The following FBXL7 variants were observed in gnomAD, a reference collection of about 807,000 sequenced individuals.
The protein encoded by FBXL7 is F-box/LRR-repeat protein 7.
In FBXL7, 12 loss-of-function variants were observed where a neutral mutation model predicts 38.3. The ratio of observed to expected loss-of-function variants is 0.31; its 90% CI spans 0.20 to 0.51. FBXL7 has a LOEUF of 0.51. Among genes scored for constraint, FBXL7 ranks in the 20% least tolerant of loss-of-function variants. The pLI is 0.98. For missense variants in FBXL7, 567 were observed against 676.4 expected, an observed-to-expected ratio of 0.84 and a Z score of 1.79; for synonymous variants, 297 against 300.9, an observed-to-expected ratio of 0.99 and a Z score of 0.13.
intron 2 of FBXL7, among the ~76,000 whole-genome samples, chr5:15,745,589 C>T (rs1302341323): frequency 6.6e-6 from 1 of 152,096 alleles, no homozygotes; most frequent in African/African-American, 2.4e-5. Context: ...AAAAGTTTCT[C>T]AGGGAAACAA....
At chr5:15,618,378 A>G (rs1740519491) in intron 2 of FBXL7, among the ~76,000 whole-genome samples, 1 of 152,164 alleles carries the variant, frequency 6.6e-6, no homozygotes, top group Non-Finnish European at 1.5e-5. Context: ...AGAAAGTATT[A>G]AGTTCTGCTA....
At chr5:15,675,450 C>T (rs1207027402) in intron 2 of FBXL7, among the ~76,000 whole-genome samples, 1 of 152,146 alleles carries the variant, frequency 6.6e-6, no homozygotes, top group Non-Finnish European at 1.5e-5. Context: ...TTTTGAAGGC[C>T]TGAAAAGGCT....
chr5:15,812,974 T>C (rs1485130766), intron 2 of FBXL7, among the ~76,000 whole-genome samples: 2 of 152,218 alleles, frequency 1.3e-5, no homozygotes, highest in Admixed American at 1.3e-4. Flanking sequence ...TTTTTCACAT[T>C]GATTTTGTAT....
intron 2 of FBXL7, among the ~76,000 whole-genome samples, chr5:15,674,998 G>C (rs1742605865): frequency 6.6e-6 from 1 of 152,130 alleles, no homozygotes; most frequent in African/African-American, 2.4e-5. Flanking sequence ...GATATCAACA[G>C]AGTTTCCCCC....
At chr5:15,522,234 T>C (rs920683613) in intron 1 of FBXL7, among the ~76,000 whole-genome samples, 4 of 152,140 alleles carry the variant, frequency 2.6e-5, no homozygotes, top group African/African-American at 9.7e-5. Context: ...TTCCCCCTTC[T>C]CCCTTTTCCT....
At chr5:15,871,585 A>C (rs777553979) in intron 2 of FBXL7, among the ~76,000 whole-genome samples, 13 of 152,196 alleles carry the variant, frequency 8.5e-5, no homozygotes, top group Non-Finnish European at 1.9e-4. Flanking sequence ...TAACTAGAAT[A>C]ACTAGTTTAC....
chr5:15,915,681 A>T (rs2126434873), intron 2 of FBXL7, among the ~76,000 whole-genome samples: 1 of 152,304 alleles, frequency 6.6e-6, no homozygotes, highest in East Asian at 1.9e-4. Context: ...AACCCGTAAC[A>T]GAAGGAATGA....
intron 2 of FBXL7, among the ~76,000 whole-genome samples, chr5:15,755,592 C>T (rs1736277329): frequency 2.0e-5 from 3 of 150,782 alleles, no homozygotes; most frequent in Admixed American, 2.0e-4. Context: ...TTTGCTTGGG[C>T]AACAAAGCCG....
intron 2 of FBXL7, among the ~76,000 whole-genome samples, chr5:15,636,529 C>G (rs767698034): frequency 5.9e-5 from 9 of 152,168 alleles, no homozygotes; most frequent in Non-Finnish European, 1.3e-4. Context: ...GCCTCCTAGT[C>G]ACAGTAACAG....
chr5:15,803,876 C>T (rs564049073), intron 2 of FBXL7, among the ~76,000 whole-genome samples: 1 of 152,246 alleles, frequency 6.6e-6, no homozygotes, highest in East Asian at 1.9e-4. Flanking sequence ...TACCTGAGAA[C>T]CACCATGTTT....
At chr5:15,817,957 G>A (rs886675995) in intron 2 of FBXL7, among the ~76,000 whole-genome samples, 6 of 152,116 alleles carry the variant, frequency 3.9e-5, no homozygotes, top group South Asian at 2.1e-4. Context: ...GTCACCTAGC[G>A]CTTAGGAGGC....
At chr5:15,553,111 A>C in intron 1 of FBXL7, among the ~76,000 whole-genome samples, 1 of 151,586 alleles carries the variant, frequency 6.6e-6, no homozygotes, top group African/African-American at 2.4e-5. Context: ...AACCCAACCA[A>C]ACAAAAACCC....
intron 2 of FBXL7, among the ~76,000 whole-genome samples, chr5:15,706,742 T>C (rs1301426039): frequency 2.0e-5 from 3 of 152,072 alleles, no homozygotes; most frequent in African/African-American, 7.2e-5. Context: ...GAACAGAGGA[T>C]TTTCCCTAAG....
At chr5:15,568,898 G>A (rs1738675513) in intron 1 of FBXL7, among the ~76,000 whole-genome samples, 1 of 152,114 alleles carries the variant, frequency 6.6e-6, no homozygotes, top group South Asian at 2.1e-4. Context: ...TCAGATGGTT[G>A]TTGATATGTG....
At chr5:15,613,571 G>A (rs1313796444) in intron 1 of FBXL7, among the ~76,000 whole-genome samples, 2 of 152,174 alleles carry the variant, frequency 1.3e-5, no homozygotes, top group African/African-American at 4.8e-5. Context: ...GATAGTGAGA[G>A]GAAATGATGG....
At chr5:15,888,803 C>G (rs1372247400) in intron 2 of FBXL7, among the ~76,000 whole-genome samples, 6 of 152,032 alleles carry the variant, frequency 3.9e-5, no homozygotes, top group African/African-American at 1.2e-4. Context: ...TAACTAAATC[C>G]TGATAATAAA....
intron 1 of FBXL7, among the ~76,000 whole-genome samples, chr5:15,612,126 C>G (rs575178871): frequency 2.0e-5 from 3 of 152,124 alleles, no homozygotes; most frequent in East Asian, 1.9e-4. Context: ...AATCCACCCC[C>G]CCAAGAAACA....
chr5:15,583,071 A>G (rs1364441029), intron 1 of FBXL7, among the ~76,000 whole-genome samples: 1 of 152,146 alleles, frequency 6.6e-6, no homozygotes, highest in Non-Finnish European at 1.5e-5. Context: ...GAGGCCTCAG[A>G]AAACTTACAG....
intron 2 of FBXL7, among the ~76,000 whole-genome samples, chr5:15,884,276 T>C (rs201179922): frequency 4.5e-5 from 5 of 112,146 alleles, no homozygotes; most frequent in Non-Finnish European, 7.6e-5. Flanking sequence ...TTCTTTCTTC[T>C]TTTTTTTTGA....
Sources: gnomAD v4.1 joint callset for allele counts (sites outside exome capture counted in the v4.1 genomes callset) on GRCh38, gnomAD v4.1.1 for gene constraint, MANE v1.5 for transcripts, NCBI Gene and HGNC (gene_info 2026-07-23, HGNC 2026-07-21) for gene names.